Variants in METTL24 observed in about 807,000 individuals in gnomAD.
The protein encoded by METTL24 is methyltransferase like 24, also known as probable methyltransferase-like protein 24.
A neutral mutation model predicts 32.7 loss-of-function variants in METTL24; 29 were observed. The observed-to-expected ratio is 0.89, with a 90% confidence interval of 0.66 to 1.21. METTL24 has a LOEUF of 1.21. Ranked by LOEUF, METTL24 falls within the 50% of genes most tolerant of loss-of-function variation. METTL24 has a pLI of 0.00. For synonymous variants in METTL24, 163 were observed against 179.5 expected (o/e 0.91, Z 0.73); for missense variants, 439 against 468.1 (o/e 0.94, Z 0.57).
At position 110,326,101 on chromosome 6, in the gene METTL24, G is replaced by A. The variant is rs577655164; in HGVS notation, c.319-3229C>T. 5.3e-5 allele frequency among the ~76,000 whole-genome samples: 8 copies of A among 152,264 alleles called. 1 individual carries two copies. The South Asian group carries it at 1.7e-3, about 32-fold the overall frequency. ...TCCGCAAGGCAGGTGAGAGAAACTG[G>A]AGACCCTCTTCCCAAAGCAAGCCAT... On this transcript the variant is annotated intron_variant, in intron 1 of 4. Transcript: ENST00000338882.
Position 110,358,004 on chromosome 6 carries a change from C to T in METTL24, c.269G>A (p.Gly90Glu). 8.6e-7 allele frequency: 1 copy of T among 1,163,156 alleles called. No homozygotes were observed. Among genetic ancestry groups the T allele is most frequent in the South Asian group, 4.2e-5 (1 of 23,676 alleles). The allele number at this position is 1,163,156 out of a possible 1,614,324, so 72.1% of individuals were successfully genotyped here. Reference sequence around the variant, plus strand: ...GGCACAGCAGCCAGGCTCCGGCGTCCCGCTCCCGCCGCCCCCCGGCGGCGC... The same window carrying T: ...GGCACAGCAGCCAGGCTCCGGCGTCTCGCTCCCGCCGCCCCCCGGCGGCGC... ...RRAPPGGGGSGTPEPGCCAPR... is the reference protein window; with the variant it reads ...RRAPPGGGGSETPEPGCCAPR... The change falls in exon 1 of 5, where the codon GGG becomes GAG. Residue 90 changes from glycine to glutamate, a missense_variant. Physicochemically the swap from Gly to Glu is moderately conservative, Grantham distance 98. Transcript: ENST00000338882.
intron 4 of METTL24, among the ~76,000 whole-genome samples, chr6:110,276,688 T>TC (rs1771053212): frequency 6.6e-6 from 1 of 151,928 alleles, no homozygotes; most frequent in African/African-American, 2.4e-5. Context: ...CAGCAGGACC[T>TC]CCCCCCATTT....
At chr6:110,310,637 A>G (rs534224382) in intron 3 of METTL24, among the ~76,000 whole-genome samples, 1 of 152,300 alleles carries the variant, frequency 6.6e-6, no homozygotes, top group South Asian at 2.1e-4. Flanking sequence ...AAAACTGAAA[A>G]GGATCTAATT....
At chr6:110,291,955 T>C (rs1771329003) in intron 4 of METTL24, among the ~76,000 whole-genome samples, 1 of 152,238 alleles carries the variant, frequency 6.6e-6, no homozygotes, top group South Asian at 2.1e-4. Flanking sequence ...AGCGTAAGCC[T>C]CTAACTTTGT....
rs577069966 is a variant in METTL24, at chr6:110,322,834, G to A, written c.357C>T (p.Gly119=). 6.2e-7 allele frequency: 1 copy of A among 1,613,904 alleles called. No individual in the cohort carries two copies. Among genetic ancestry groups the A allele is most frequent in the African/African-American group, 1.3e-5 (1 of 75,034 alleles). ...RWHIDLQPWA[G]SAQSLDEEAW... ...CTTCTTCATCCAGGGACTGAGCAGA[G>A]CCTGCCCAAGGCTGGAGATCTATAT... The change falls in exon 2 of 5, where the codon GGC becomes GGT. Residue 119 remains glycine, a synonymous_variant. Coordinates refer to ENST00000338882, the MANE Select transcript of METTL24 (RefSeq NM_001123364.3).
chr6:110,262,885 T>C (rs1363821952), intron 4 of METTL24, among the ~76,000 whole-genome samples: 1 of 152,180 alleles, frequency 6.6e-6, no homozygotes, highest in Non-Finnish European at 1.5e-5. Flanking sequence ...ATTATCTCAA[T>C]AGATGCAGAA....
chr6:110,281,864 C>T (rs1027565524), intron 4 of METTL24, among the ~76,000 whole-genome samples: 1 of 152,058 alleles, frequency 6.6e-6, no homozygotes, highest in Non-Finnish European at 1.5e-5. Flanking sequence ...AAGGGAAATA[C>T]AATGACATAA....
intron 4 of METTL24, among the ~76,000 whole-genome samples, chr6:110,296,724 G>T (rs192177772): frequency 6.6e-6 from 1 of 152,120 alleles, no homozygotes; most frequent in Admixed American, 6.5e-5. Context: ...AGCTAAAAAC[G>T]CTTTGGTTTC....
intron 4 of METTL24, among the ~76,000 whole-genome samples, chr6:110,281,874 A>C (rs1337829166): frequency 1.3e-5 from 2 of 152,278 alleles, no homozygotes; most frequent in East Asian, 3.9e-4. Context: ...CAATGACATA[A>C]GGCAAATGTA....
chr6:110,255,422 G>T (rs1386417003), intron 4 of METTL24, among the ~76,000 whole-genome samples: 1 of 152,112 alleles, frequency 6.6e-6, no homozygotes, highest in African/African-American at 2.4e-5. Context: ...GACCAGCCAA[G>T]ATGTCAGAGG....
intron 4 of METTL24, among the ~76,000 whole-genome samples, chr6:110,286,033 T>G (rs1297305016): frequency 6.6e-6 from 1 of 152,102 alleles, no homozygotes; most frequent in Admixed American, 6.5e-5. Context: ...CTCATGAAAA[T>G]TCCTTGCTCC....
chr6:110,279,032 T>G lies in METTL24; in HGVS notation c.786+19890A>C, dbSNP rs532294588. ...ATGTTCCACAAAGAGTATGGTGGTC[T>G]GTAACAAGGTTATGACCATAGCATA... is the stretch of plus-strand genomic sequence containing the variant. On this transcript the variant is annotated intron_variant, in intron 4 of 4. Coordinates refer to ENST00000338882, the MANE Select transcript of METTL24 (RefSeq NM_001123364.3). Among the ~76,000 whole-genome samples the G allele has an allele frequency of 1.8e-3, 245 of 139,948 alleles. 2 individuals are homozygous for G. The highest frequency in any genetic ancestry group is 7.5e-3 in the African/African-American group (238 of 31,566). The allele number at this position is 139,948 out of a possible 152,430, so 91.8% of individuals were successfully genotyped here.
At chr6:110,351,294 C>CACTAAATTAAATTA (rs1379025978) in intron 1 of METTL24, among the ~76,000 whole-genome samples, 3 of 152,032 alleles carry the variant, frequency 2.0e-5, no homozygotes, top group Non-Finnish European at 1.5e-5. Context: ...ATCTTGTAGG[C>CACTAAATTAAATTA]GTATATTCAC....
At chr6:110,248,262 T>C (rs766019857) in intron 4 of METTL24, among the ~76,000 whole-genome samples, 5 of 152,224 alleles carry the variant, frequency 3.3e-5, no homozygotes, top group Non-Finnish European at 5.9e-5. Flanking sequence ...TATTTCTTTA[T>C]AGCAACACAA....
intron 3 of METTL24, among the ~76,000 whole-genome samples, chr6:110,303,338 G>A (rs1199026770): frequency 6.6e-6 from 1 of 152,116 alleles, no homozygotes; most frequent in Non-Finnish European, 1.5e-5. Context: ...CTGGAAAAGG[G>A]GCTGAAGCCA....
At chr6:110,351,317 G>A (rs1008203608) in intron 1 of METTL24, among the ~76,000 whole-genome samples, 7 of 152,160 alleles carry the variant, frequency 4.6e-5, no homozygotes, top group Non-Finnish European at 5.9e-5. Flanking sequence ...AATTAAAAAT[G>A]TCAGTAGTAT....
At chr6:110,276,472 A>G (rs529421460) in intron 4 of METTL24, among the ~76,000 whole-genome samples, 5 of 152,168 alleles carry the variant, frequency 3.3e-5, no homozygotes, top group Non-Finnish European at 7.3e-5. Flanking sequence ...AACAAAAAAC[A>G]TTACATGACT....
intron 4 of METTL24, among the ~76,000 whole-genome samples, chr6:110,272,035 T>A (rs1770966348): frequency 6.6e-6 from 1 of 152,184 alleles, no homozygotes; most frequent in African/African-American, 2.4e-5. Flanking sequence ...TCCAGGTGGT[T>A]TTTGGTTACA....
Position 110,315,460 on chromosome 6 carries a change from T to C in METTL24, c.439A>G (p.Thr147Ala). ...TTQIACNHMNTDSLATDSSPT... is the reference protein window; with the variant it reads ...TTQIACNHMNADSLATDSSPT... ...CTAGAGTCAGTAGCCAGGCTGTCTG[T>C]ATTCATGTGATTGCATGCAATCTGT... Residue 147 changes from threonine (T) to alanine (A), a missense_variant, in exon 3 of 5, where the codon ACA becomes GCA. Thr to Ala is a moderately conservative substitution (Grantham distance 58, BLOSUM62 0). Transcript: ENST00000338882. 6.2e-7 allele frequency: 1 copy of C among 1,614,066 alleles called. No individual in the cohort carries two copies. The highest frequency in any genetic ancestry group is 8.5e-7 in the Non-Finnish European group (1 of 1,180,000).
Sources: allele counts gnomAD v4.1 joint callset (sites outside exome capture counted in the v4.1 genomes callset), GRCh38; gene constraint gnomAD v4.1.1; transcripts MANE v1.5; gene names NCBI Gene and HGNC (gene_info 2026-07-23, HGNC 2026-07-21).